Variants in ERBB4 observed in about 807,000 individuals in gnomAD.
ERBB4 encodes receptor tyrosine-protein kinase erbB-4.
In ERBB4, 42 loss-of-function variants were observed where a neutral mutation model predicts 158.0. The observed-to-expected ratio is 0.27, with a 90% CI of 0.21 to 0.34. The LOEUF (loss-of-function observed/expected upper bound fraction) is 0.34. Among genes scored for constraint, ERBB4 ranks in the 10% least tolerant of loss-of-function variants. The pLI, the probability that ERBB4 is intolerant of heterozygous loss-of-function variation, is 1.00. For missense variants in ERBB4, 1,333 were observed against 1,624.1 expected (o/e 0.82, Z 3.08); for synonymous variants, 583 against 558.7 (o/e 1.04, Z -0.61).
At chr2:212,393,708 C>T (rs766445030) in intron 1 of ERBB4, among the ~76,000 whole-genome samples, 3 of 151,966 alleles carry the variant, frequency 2.0e-5, no homozygotes, top group Non-Finnish European at 2.9e-5. Context: ...CCACCAGACC[C>T]CGAAATAAAA....
intron 20 of ERBB4, among the ~76,000 whole-genome samples, chr2:211,478,444 C>A (rs2065008651): frequency 6.6e-6 from 1 of 152,134 alleles, no homozygotes; most frequent in Non-Finnish European, 1.5e-5. Context: ...AAAGGAATCA[C>A]AGATTCTTCC....
intron 2 of ERBB4, 73 bp downstream of exon 2, chr2:212,124,677 GCA>G (rs1423175432): frequency 6.5e-7 from 1 of 1,529,704 alleles, no homozygotes; most frequent in Admixed American, 1.7e-5. Context: ...CCAGGTATCA[GCA>G]CACAGGTCTG....
chr2:212,007,733 G>C (rs77698354), intron 2 of ERBB4, among the ~76,000 whole-genome samples: 53 of 151,938 alleles, frequency 3.5e-4, no homozygotes, highest in African/African-American at 1.2e-3. Flanking sequence ...ACTCACATCT[G>C]TGATATTTTG....
chr2:211,630,148 T>G (rs537619667), intron 17 of ERBB4, among the ~76,000 whole-genome samples: 1 of 152,240 alleles, frequency 6.6e-6, no homozygotes, highest in Non-Finnish European at 1.5e-5. Context: ...AGATATTTTC[T>G]AGATCTGCTG....
chr2:211,737,945 A>G (rs531794417), intron 5 of ERBB4, among the ~76,000 whole-genome samples: 4 of 152,178 alleles, frequency 2.6e-5, no homozygotes, highest in Admixed American at 2.0e-4. Flanking sequence ...TTTCTAAGCT[A>G]TTTGCAATGT....
At chr2:211,591,953 C>T (rs980134628) in intron 19 of ERBB4, among the ~76,000 whole-genome samples, 2 of 152,220 alleles carry the variant, frequency 1.3e-5, no homozygotes, top group African/African-American at 2.4e-5. Context: ...AAACGCCACT[C>T]TTTGAGACGA....
At position 212,386,449 on chromosome 2, in the gene ERBB4, C is replaced by T. The variant is rs533416532; in HGVS notation, c.82+152000G>A. On this transcript the variant is annotated intron_variant, in intron 1 of 27. Transcript: ENST00000342788. ...CAAGATACTCTGGTAATCAAAGCTG[C>T]CAAATAGATCTAAACTTATTTCCCT... is the stretch of plus-strand genomic sequence containing the variant. Among the ~76,000 whole-genome samples, 13 of 151,980 alleles carry T rather than the reference C, an allele frequency of 8.6e-5. No homozygotes were observed. The South Asian group carries it at 2.7e-3, about 32-fold the overall frequency.
intron 2 of ERBB4, among the ~76,000 whole-genome samples, chr2:212,092,171 G>T (rs1045118044): frequency 6.6e-5 from 10 of 152,144 alleles, no homozygotes; most frequent in Non-Finnish European, 1.5e-4. Context: ...TAATTTTCAT[G>T]TATTTTGTGA....
chr2:212,193,276 A>T (rs569590140), intron 1 of ERBB4, among the ~76,000 whole-genome samples: 1 of 152,050 alleles, frequency 6.6e-6, no homozygotes, highest in Non-Finnish European at 1.5e-5. Flanking sequence ...CCACTTTTCC[A>T]TTTCAGCAGA....
intron 3 of ERBB4, among the ~76,000 whole-genome samples, chr2:211,815,700 G>T (rs2076868450): frequency 6.6e-6 from 1 of 152,214 alleles, no homozygotes; most frequent in African/African-American, 2.4e-5. Flanking sequence ...TTGTTCTTGG[G>T]TATGTCTGTG....
At chr2:212,394,765 A>T (rs1263614989) in intron 1 of ERBB4, among the ~76,000 whole-genome samples, 1 of 152,154 alleles carries the variant, frequency 6.6e-6, no homozygotes, top group Non-Finnish European at 1.5e-5. Context: ...GCCCTGTAAC[A>T]TGAATGAAGA....
Position 211,428,491 on chromosome 2 carries a change from GAAGT to G in ERBB4, c.2644-12_2644-9del, listed in dbSNP as rs771071679. 18 of 1,440,904 alleles carry G rather than the reference GAAGT, an allele frequency of 1.2e-5. No individual in the cohort carries two copies. Among genetic ancestry groups the G allele is most frequent in the East Asian group, 2.3e-5 (1 of 43,868 alleles). 89.3% of individuals were successfully genotyped at this position (1,440,904 alleles called of 1,614,324 possible). On this transcript the variant is annotated splice_polypyrimidine_tract_variant and intron_variant, in intron 21 of 27. Coordinates refer to ENST00000342788, the MANE Select transcript of ERBB4 (RefSeq NM_005235.3). Reference sequence around the variant, plus strand: ...CATCCATTTAATTGGCATCTATAGAGAAGTAAGAAGTAAAAGTTTTAAAATTACA... The same window carrying G: ...CATCCATTTAATTGGCATCTATAGAGAAGAAGTAAAAGTTTTAAAATTACA...
chr2:211,461,917 A>C (rs12466446), intron 20 of ERBB4, among the ~76,000 whole-genome samples: 114,946 of 151,548 alleles, frequency 0.76, 43,838 homozygotes, highest in Middle Eastern at 0.81. Context: ...ACAACAACAA[A>C]AAAAAACTCT....
At chr2:211,587,578 C>A (rs1210902276) in intron 19 of ERBB4, among the ~76,000 whole-genome samples, 3 of 151,910 alleles carry the variant, frequency 2.0e-5, no homozygotes, top group Non-Finnish European at 4.4e-5. Flanking sequence ...CATGGCCCTG[C>A]CAACACCATC....
At chr2:212,172,801 G>A (rs886782048) in intron 1 of ERBB4, among the ~76,000 whole-genome samples, 1 of 152,040 alleles carries the variant, frequency 6.6e-6, no homozygotes, top group Non-Finnish European at 1.5e-5. Flanking sequence ...GGTGGGAAAA[G>A]GGAGGGGGTC....
chr2:212,005,865 G>A (rs1163474414), intron 2 of ERBB4, among the ~76,000 whole-genome samples: 1 of 152,086 alleles, frequency 6.6e-6, no homozygotes, highest in African/African-American at 2.4e-5. Context: ...GCGGGAGATT[G>A]TTTGAATCCA....
chr2:212,121,692 A>C (rs2125563235), intron 2 of ERBB4, among the ~76,000 whole-genome samples: 1 of 152,286 alleles, frequency 6.6e-6, no homozygotes, highest in Admixed American at 6.5e-5. Flanking sequence ...TTTCTTCATC[A>C]ACACTATACT....
At chr2:212,080,676 TAAAAAA>T (rs5838296) in intron 2 of ERBB4, among the ~76,000 whole-genome samples, 8 of 139,380 alleles carry the variant, frequency 5.7e-5, no homozygotes, top group African/African-American at 1.9e-4. Context: ...GTATAAATAG[TAAAAAA>T]AAAAAAAAAA....
chr2:212,017,596 A>T (rs555254375), intron 2 of ERBB4, among the ~76,000 whole-genome samples: 3 of 152,192 alleles, frequency 2.0e-5, no homozygotes, highest in Admixed American at 6.5e-5. Context: ...ATAAAAATTA[A>T]TATTTATTCC....
Sources: gnomAD v4.1 joint callset for allele counts (sites outside exome capture counted in the v4.1 genomes callset) on GRCh38, gnomAD v4.1.1 for gene constraint, MANE v1.5 for transcripts, NCBI Gene and HGNC (gene_info 2026-07-23, HGNC 2026-07-21) for gene names.